The following PDGFRL variants were observed in gnomAD, a reference collection of about 807,000 sequenced individuals.
PDGFRL encodes platelet derived growth factor receptor like.
A neutral mutation model predicts 37.2 loss-of-function variants in PDGFRL; 46 were observed. The observed-to-expected ratio is 1.24, with a 90% confidence interval of 0.98 to 1.58. The LOEUF (loss-of-function observed/expected upper bound fraction) is 1.58. Among genes scored for constraint, PDGFRL ranks in the 40% most tolerant of loss-of-function variants. The pLI is 0.00. For synonymous variants in PDGFRL, 251 were observed against 184.3 expected, an observed-to-expected ratio of 1.36 and a Z score of -2.93; for missense variants, 692 against 467.6, an observed-to-expected ratio of 1.48 and a Z score of -4.43.
At chr8:17,615,515 G>A (rs1480150229) in intron 2 of PDGFRL, among the ~76,000 whole-genome samples, 1 of 152,172 alleles carries the variant, frequency 6.6e-6, no homozygotes, top group African/African-American at 2.4e-5. Flanking sequence ...ACTTGGACAA[G>A]TTGCTTCTCT....
At chr8:17,579,770 A>G (rs974583001) in intron 1 of PDGFRL, among the ~76,000 whole-genome samples, 1 of 151,922 alleles carries the variant, frequency 6.6e-6, no homozygotes, top group Non-Finnish European at 1.5e-5. Flanking sequence ...GCTGCTCCCA[A>G]TGACAAAATG....
rs370454526 is a variant in PDGFRL, at chr8:17,589,500, C to A, written c.88C>A (p.Pro30Thr). Residue 30 changes from proline to threonine, a missense_variant, in exon 2 of 6, where the codon CCA becomes ACA. Pro to Thr is a conservative substitution (Grantham distance 38). Coordinates refer to ENST00000251630, the MANE Select transcript of PDGFRL (RefSeq NM_001372073.1). ...TGQHLPKNKR[P>T]KEPGENRIKP... ...CCAACACCTTCCCAAGAACAAGCGT[C>A]CAAAAGAACCAGGAGAGAATAGAAT... 2.5e-6 allele frequency: 4 copies of A among 1,613,826 alleles called. No individual in the cohort carries two copies. The African/African-American group carries it at 5.3e-5, about 22-fold the overall frequency.
intron 1 of PDGFRL, among the ~76,000 whole-genome samples, chr8:17,577,649 G>A (rs978217260): frequency 3.3e-5 from 5 of 151,788 alleles, no homozygotes; most frequent in Non-Finnish European, 5.9e-5. Flanking sequence ...GAGGTGGGGC[G>A]GGAGCCTCGG....
chr8:17,613,207 T>C (rs916684113), intron 2 of PDGFRL, among the ~76,000 whole-genome samples: 2 of 152,206 alleles, frequency 1.3e-5, no homozygotes. Context: ...AAGGCCTTTG[T>C]TCCAGGTGGT....
At chr8:17,620,518 C>T (rs1239240093) in intron 2 of PDGFRL, among the ~76,000 whole-genome samples, 2 of 152,036 alleles carry the variant, frequency 1.3e-5, no homozygotes, top group South Asian at 2.1e-4. Flanking sequence ...TTTTGACAAC[C>T]GATGTACCAA....
Position 17,620,813 on chromosome 8 carries a change from A to G in PDGFRL, c.354-238A>G, listed in dbSNP as rs1396393926. ...AAATTGTTTTAGAATGAACTTTAAA[A>G]GGTAAAAATGTCATTTTTTTCCTGA... On this transcript the variant is annotated intron_variant, in intron 2 of 5. Transcript: ENST00000251630. Among the ~76,000 whole-genome samples the G allele has an allele frequency of 2.0e-5, 3 of 152,204 alleles. No individual in the cohort carries two copies. The East Asian group carries it at 5.8e-4, about 29-fold the overall frequency.
chr8:17,616,323 T>A (rs887634654), intron 2 of PDGFRL, among the ~76,000 whole-genome samples: 3 of 152,122 alleles, frequency 2.0e-5, no homozygotes, highest in African/African-American at 7.2e-5. Context: ...GCCTCCCCAG[T>A]AGCTGGGACT....
chr8:17,597,455 C>G (rs530852053), intron 2 of PDGFRL, among the ~76,000 whole-genome samples: 16 of 152,186 alleles, frequency 1.1e-4, no homozygotes, highest in African/African-American at 3.9e-4. Context: ...CAAAAGCAGG[C>G]CAACAGAGAG....
chr8:17,590,520 T>C (rs139688896), intron 2 of PDGFRL, among the ~76,000 whole-genome samples: 3,808 of 152,080 alleles, frequency 0.025, 106 homozygotes, highest in Middle Eastern at 0.12. Context: ...GAGATTAGCC[T>C]GGCCAACATG....
At chr8:17,639,335 T>C (rs1805044739) in intron 5 of PDGFRL, among the ~76,000 whole-genome samples, 1 of 152,158 alleles carries the variant, frequency 6.6e-6, no homozygotes, top group South Asian at 2.1e-4. Flanking sequence ...GGTTTTTATT[T>C]ATTTATTTAT....
chr8:17,579,145 C>T (rs13273695), intron 1 of PDGFRL, among the ~76,000 whole-genome samples: 40,706 of 151,924 alleles, frequency 0.27, 5,662 homozygotes, highest in Middle Eastern at 0.39. Flanking sequence ...TGCAGTGAGC[C>T]GAGATCGCAC....
intron 1 of PDGFRL, among the ~76,000 whole-genome samples, chr8:17,584,377 T>A (rs537966665): frequency 2.6e-4 from 40 of 152,188 alleles, no homozygotes; most frequent in Non-Finnish European, 4.4e-5. Flanking sequence ...CAACAGGATA[T>A]TTAGATCTGG....
intron 2 of PDGFRL, among the ~76,000 whole-genome samples, chr8:17,600,453 G>A (rs1356659054): frequency 6.6e-6 from 1 of 151,966 alleles, no homozygotes; most frequent in East Asian, 1.9e-4. Context: ...TACATTAAAC[G>A]TTTCTTCTGA....
Position 17,634,038 on chromosome 8 carries a change from G to C in PDGFRL, c.800-36G>C, listed in dbSNP as rs754850403. 5.6e-6 allele frequency: 9 copies of C among 1,608,254 alleles called. 1 individual carries two copies. The highest frequency in any genetic ancestry group is 2.2e-5 in the South Asian group (2 of 90,930). On this transcript the variant is annotated intron_variant, in intron 4 of 5. Transcript: ENST00000251630. ...TAGGTTTGTTTTCAAGGTTACACTC[G>C]GGGTCTCACTCTGCCTGTTTCGTGC...
intron 2 of PDGFRL, among the ~76,000 whole-genome samples, chr8:17,601,217 C>T (rs1160757874): frequency 1.3e-5 from 2 of 152,226 alleles, no homozygotes; most frequent in African/African-American, 4.8e-5. Context: ...ACTGTAGTCT[C>T]TAACCTTAGA....
chr8:17,607,915 G>A (rs926917406), intron 2 of PDGFRL, among the ~76,000 whole-genome samples: 7 of 152,168 alleles, frequency 4.6e-5, no homozygotes, highest in African/African-American at 9.7e-5. Context: ...AAAGCAAAAC[G>A]AAGATGTCAG....
Position 17,628,533 on chromosome 8 carries a change from C to T in PDGFRL, c.552C>T (p.Val184=). The T allele has an allele frequency of 6.2e-7, 1 of 1,614,020 alleles. No homozygotes were observed. The highest frequency in any genetic ancestry group is 1.7e-5 in the Admixed American group (1 of 60,030). ...FVPSPSYFDV[V]YLNPDRQAVV... is the part of the protein sequence containing the mutation. ...CTTCTCCCAGCTACTTCGATGTTGTCTACTTGAACCCGGACAGACAGGCTG... is the reference window on the plus strand; with the variant it reads ...CTTCTCCCAGCTACTTCGATGTTGTTTACTTGAACCCGGACAGACAGGCTG... Residue 184 remains valine (V), a synonymous_variant, in exon 4 of 6, where the codon GTC becomes GTT. Coordinates refer to ENST00000251630, the MANE Select transcript of PDGFRL (RefSeq NM_001372073.1).
intron 3 of PDGFRL, among the ~76,000 whole-genome samples, chr8:17,627,399 G>T (rs904269593): frequency 6.6e-6 from 1 of 152,014 alleles, no homozygotes; most frequent in African/African-American, 2.4e-5. Flanking sequence ...ATTTTCAGGG[G>T]ACATATGTAA....
intron 2 of PDGFRL, among the ~76,000 whole-genome samples, chr8:17,612,394 CAG>C (rs992020281): frequency 1.8e-4 from 28 of 151,814 alleles, no homozygotes; most frequent in African/African-American, 6.8e-4. Flanking sequence ...TTTTTTGAGA[CAG>C]TGTCTCACTC....
Sources: allele counts gnomAD v4.1 joint callset (sites outside exome capture counted in the v4.1 genomes callset), GRCh38; gene constraint gnomAD v4.1.1; transcripts MANE v1.5; gene names NCBI Gene and HGNC (gene_info 2026-07-23, HGNC 2026-07-21).